LHFPL6: variants seen among roughly 807,000 people sequenced by gnomAD.
LHFPL6 encodes LHFPL tetraspan subfamily member 6.
A neutral mutation model predicts 20.6 loss-of-function variants in LHFPL6; 9 were observed. The ratio of observed to expected loss-of-function variants is 0.44; its 90% CI spans 0.26 to 0.76. LHFPL6 has a LOEUF of 0.76. Among genes scored for constraint, LHFPL6 ranks in the 30% least tolerant of loss-of-function variants. The pLI, the probability that LHFPL6 is intolerant of heterozygous loss-of-function variation, is 0.20. For synonymous variants in LHFPL6, 105 were observed against 98.7 expected, an observed-to-expected ratio of 1.06 and a Z score of -0.38; for missense variants, 218 against 253.5, an observed-to-expected ratio of 0.86 and a Z score of 0.95.
chr13:39,526,482 A>G (rs953194403), intron 2 of LHFPL6, among the ~76,000 whole-genome samples: 2 of 152,038 alleles, frequency 1.3e-5, no homozygotes, highest in African/African-American at 2.4e-5. Context: ...AAATATTGCA[A>G]TTGCAACCAA....
chr13:39,439,370 C>T (rs975283423), intron 2 of LHFPL6, among the ~76,000 whole-genome samples: 4 of 152,086 alleles, frequency 2.6e-5, no homozygotes, highest in Non-Finnish European at 5.9e-5. Flanking sequence ...GAGTAACTAA[C>T]TTGTTTTGAT....
intron 2 of LHFPL6, among the ~76,000 whole-genome samples, chr13:39,386,683 G>GT (rs1870571169): frequency 6.6e-6 from 1 of 152,146 alleles, no homozygotes; most frequent in Admixed American, 6.6e-5. Context: ...CAGATTTCTT[G>GT]TATCTCTTGA....
At chr13:39,417,370 G>C (rs567587219) in intron 2 of LHFPL6, among the ~76,000 whole-genome samples, 4 of 150,964 alleles carry the variant, frequency 2.6e-5, no homozygotes, top group African/African-American at 9.7e-5. Context: ...AGGGGCGGCC[G>C]GAGCAACGCT....
intron 2 of LHFPL6, among the ~76,000 whole-genome samples, chr13:39,426,105 C>T (rs1259189272): frequency 6.6e-6 from 1 of 152,118 alleles, no homozygotes; most frequent in Non-Finnish European, 1.5e-5. Flanking sequence ...CCACTATTTC[C>T]AAAACTTTTT....
chr13:39,602,293 C>A, intron 1 of LHFPL6, among the ~76,000 whole-genome samples: 1 of 152,186 alleles, frequency 6.6e-6, no homozygotes, highest in East Asian at 1.9e-4. Flanking sequence ...ACCCCCAGGA[C>A]CCCTAACTCC....
At chr13:39,482,168 G>A (rs1399779039) in intron 2 of LHFPL6, among the ~76,000 whole-genome samples, 1 of 152,204 alleles carries the variant, frequency 6.6e-6, no homozygotes, top group Non-Finnish European at 1.5e-5. Context: ...TAGCCACCGG[G>A]CACAGTGGCT....
At chr13:39,495,591 G>A (rs1869071550) in intron 2 of LHFPL6, among the ~76,000 whole-genome samples, 1 of 144,176 alleles carries the variant, frequency 6.9e-6, no homozygotes, top group Non-Finnish European at 1.5e-5. Context: ...TCCTTTCAAC[G>A]ACCATACTAG....
In LHFPL6 at chr13:39,592,027, C is replaced by T. The variant is rs1287637589; in HGVS notation, c.385+8805G>A. 1.0e-4 allele frequency among the ~76,000 whole-genome samples: 15 copies of T among 148,458 alleles called. No individual in the cohort carries two copies. The Admixed American group carries it at 1.0e-3, about 10-fold the overall frequency. ...GGGAGAATCGCTTGAACCTACGAGGCAGAGTTTGCAGTGAGCCGAGATCAC... is the reference window on the plus strand; with the variant it reads ...GGGAGAATCGCTTGAACCTACGAGGTAGAGTTTGCAGTGAGCCGAGATCAC... On this transcript the variant is annotated intron_variant, in intron 2 of 3. Transcript: ENST00000379589.
chr13:39,367,800 G>A (rs1870049469), intron 3 of LHFPL6, among the ~76,000 whole-genome samples: 1 of 152,174 alleles, frequency 6.6e-6, no homozygotes, highest in Non-Finnish European at 1.5e-5. Flanking sequence ...TGGACTATGA[G>A]CCACTTAAAC....
chr13:39,549,338 C>T (rs1439845721), intron 2 of LHFPL6, among the ~76,000 whole-genome samples: 2 of 152,078 alleles, frequency 1.3e-5, no homozygotes, highest in Admixed American at 6.6e-5. Flanking sequence ...TGACTTCTAG[C>T]ATATACAGAA....
At chr13:39,491,190 T>G (rs1868913525) in intron 2 of LHFPL6, among the ~76,000 whole-genome samples, 1 of 152,200 alleles carries the variant, frequency 6.6e-6, no homozygotes, top group Admixed American at 6.5e-5. Flanking sequence ...TTTACAAATT[T>G]GGAGCCATTT....
At chr13:39,363,792 T>G (rs1869940385) in intron 3 of LHFPL6, among the ~76,000 whole-genome samples, 1 of 152,208 alleles carries the variant, frequency 6.6e-6, no homozygotes, top group African/African-American at 2.4e-5. Flanking sequence ...CATAATTACC[T>G]GCCTGCTCTT....
chr13:39,488,795 A>C (rs1868811717), intron 2 of LHFPL6, among the ~76,000 whole-genome samples: 1 of 152,216 alleles, frequency 6.6e-6, no homozygotes, highest in Non-Finnish European at 1.5e-5. Context: ...TAGATTTAAA[A>C]CATCTTTAGA....
In LHFPL6 at chr13:39,422,257, T is replaced by C. The variant is rs996942788; in HGVS notation, c.386-43731A>G. 2.0e-5 allele frequency among the ~76,000 whole-genome samples: 3 copies of C among 152,132 alleles called. No homozygotes were observed. The East Asian group carries it at 5.8e-4, about 29-fold the overall frequency. ...CAGACTATATGGTATGTTCTAATGT[T>C]AGGTATAATGAATTCTAAAATAATT... On this transcript the variant is annotated intron_variant, in intron 2 of 3. Coordinates refer to ENST00000379589, the MANE Select transcript of LHFPL6 (RefSeq NM_005780.3).
intron 2 of LHFPL6, among the ~76,000 whole-genome samples, chr13:39,524,557 G>T (rs1190515802): frequency 2.0e-5 from 3 of 152,164 alleles, no homozygotes; most frequent in Non-Finnish European, 4.4e-5. Context: ...TATTTTGCAG[G>T]TATCTTTTGA....
At chr13:39,497,056 C>G (rs1869124669) in intron 2 of LHFPL6, among the ~76,000 whole-genome samples, 2 of 152,158 alleles carry the variant, frequency 1.3e-5, no homozygotes, top group Non-Finnish European at 2.9e-5. Flanking sequence ...TGAACTATTA[C>G]CTTCAGTAAG....
At chr13:39,451,539 A>G (rs995934828) in intron 2 of LHFPL6, among the ~76,000 whole-genome samples, 4 of 152,244 alleles carry the variant, frequency 2.6e-5, no homozygotes, top group East Asian at 1.9e-4. Context: ...AACTCGCACT[A>G]TTGTTGGCTA....
At chr13:39,516,383 C>T (rs1869917216) in intron 2 of LHFPL6, among the ~76,000 whole-genome samples, 1 of 152,240 alleles carries the variant, frequency 6.6e-6, no homozygotes, top group Admixed American at 6.5e-5. Flanking sequence ...GTGAGCCGAG[C>T]AGCCCCTGGC....
chr13:39,511,976 C>T (rs921816733), intron 2 of LHFPL6, among the ~76,000 whole-genome samples: 2 of 152,208 alleles, frequency 1.3e-5, no homozygotes, highest in Admixed American at 6.5e-5. Flanking sequence ...TGCCTCGAAA[C>T]ATTTTCTGAC....
Sources: gnomAD v4.1 joint callset for allele counts (sites outside exome capture counted in the v4.1 genomes callset) on GRCh38, gnomAD v4.1.1 for gene constraint, MANE v1.5 for transcripts, NCBI Gene and HGNC (gene_info 2026-07-23, HGNC 2026-07-21) for gene names.